Variants in GPR39 observed in about 807,000 individuals in gnomAD.
GPR39 encodes the protein G protein-coupled receptor 39.
Under a neutral mutation model 18.4 loss-of-function variants are expected in GPR39, and 23 were observed. The ratio of observed to expected loss-of-function variants is 1.25; its 90% CI spans 0.90 to 1.77. The LOEUF (loss-of-function observed/expected upper bound fraction) is 1.77. Ranked by LOEUF, GPR39 falls within the 40% of genes most tolerant of loss-of-function variation. The pLI is 0.00. For missense variants in GPR39, 647 were observed against 602.4 expected (o/e 1.07, Z -0.78); for synonymous variants, 280 against 257.9 (o/e 1.09, Z -0.82).
At chr2:132,534,750 A>T (rs13393969) in intron 1 of GPR39, among the ~76,000 whole-genome samples, 43,029 of 151,714 alleles carry the variant, frequency 0.28, 6,887 homozygotes, top group East Asian at 0.69. Flanking sequence ...CAAAAAACTA[A>T]ACACCACATT....
chr2:132,635,910 G>A (rs183016695), intron 1 of GPR39, among the ~76,000 whole-genome samples: 1 of 152,304 alleles, frequency 6.6e-6, no homozygotes, highest in Admixed American at 6.5e-5. Flanking sequence ...CAGAGAGATG[G>A]TGGCTATCTG....
At chr2:132,491,717 A>T (rs1207957649) in intron 1 of GPR39, among the ~76,000 whole-genome samples, 3 of 151,872 alleles carry the variant, frequency 2.0e-5, no homozygotes, top group African/African-American at 7.3e-5. Context: ...TCCGGGTGTG[A>T]ATCAGTAAAA....
chr2:132,525,327 G>GATAAT (rs1285820057), intron 1 of GPR39, among the ~76,000 whole-genome samples: 1 of 152,190 alleles, frequency 6.6e-6, no homozygotes, highest in Non-Finnish European at 1.5e-5. Context: ...GTGAAATGGG[G>GATAAT]ATAATAATGT....
chr2:132,550,351 G>A (rs1051095197), intron 1 of GPR39, among the ~76,000 whole-genome samples: 6 of 152,180 alleles, frequency 3.9e-5, no homozygotes, highest in Admixed American at 1.3e-4. Flanking sequence ...TGGCAAGCCC[G>A]AGTCTTTGGA....
chr2:132,595,177 T>C (rs1480204279), intron 1 of GPR39, among the ~76,000 whole-genome samples: 1 of 152,122 alleles, frequency 6.6e-6, no homozygotes, highest in East Asian at 1.9e-4. Context: ...TTTTATATTT[T>C]TAGTAGAGAT....
intron 1 of GPR39, among the ~76,000 whole-genome samples, chr2:132,513,302 A>AC (rs1191416949): frequency 2.0e-5 from 3 of 150,838 alleles, no homozygotes; most frequent in Non-Finnish European, 4.4e-5. Flanking sequence ...GTCTCTACTA[A>AC]AATACAAAAA....
intron 1 of GPR39, among the ~76,000 whole-genome samples, chr2:132,554,597 A>G (rs1680110346): frequency 6.6e-6 from 1 of 152,206 alleles, no homozygotes; most frequent in Admixed American, 6.5e-5. Context: ...GCTGATAGCT[A>G]CAGTGACCTG....
intron 1 of GPR39, among the ~76,000 whole-genome samples, chr2:132,525,738 T>C (rs376633823): frequency 6.0e-4 from 92 of 152,322 alleles, no homozygotes; most frequent in African/African-American, 2.2e-3. Flanking sequence ...GGCACAAATA[T>C]GTTCCAGACA....
intron 1 of GPR39, among the ~76,000 whole-genome samples, chr2:132,552,518 A>C (rs1211229971): frequency 6.6e-6 from 1 of 152,154 alleles, no homozygotes; most frequent in African/African-American, 2.4e-5. Flanking sequence ...TGAGCCAATT[A>C]AACCTGTTTT....
At chr2:132,428,973 G>A (rs1456036021) in intron 1 of GPR39, among the ~76,000 whole-genome samples, 1 of 152,200 alleles carries the variant, frequency 6.6e-6, no homozygotes, top group Admixed American at 6.5e-5. Flanking sequence ...CAAAATTCAA[G>A]GGGCTTATGA....
intron 1 of GPR39, among the ~76,000 whole-genome samples, chr2:132,438,573 CTTTTTTTT>C (rs35614907): frequency 6.1e-5 from 6 of 97,762 alleles, no homozygotes; most frequent in Non-Finnish European, 9.9e-5. Flanking sequence ...TGTCAGCAAG[CTTTTTTTT>C]TTTTTTTTTT....
intron 1 of GPR39, among the ~76,000 whole-genome samples, chr2:132,630,632 G>C (rs1681633253): frequency 6.6e-6 from 1 of 152,184 alleles, no homozygotes; most frequent in Admixed American, 6.5e-5. Context: ...AGAATGGCTT[G>C]AGCAGGAGTG....
At chr2:132,423,855 A>G (rs966064919) in intron 1 of GPR39, among the ~76,000 whole-genome samples, 11 of 152,304 alleles carry the variant, frequency 7.2e-5, no homozygotes, top group African/African-American at 2.6e-4. Flanking sequence ...CATAGTGTCT[A>G]GACATAGTAG....
rs571626070 is a variant in GPR39, at chr2:132,422,126, C to T, written c.856+4228C>T. On this transcript the variant is annotated intron_variant, in intron 1 of 1. Transcript: ENST00000329321. Reference sequence around the variant, plus strand: ...TTTTCTAACAAAACCATCTGATAACCTTTGTGTTTTATTTTCTCAGTAAGA... The same window carrying T: ...TTTTCTAACAAAACCATCTGATAACTTTTGTGTTTTATTTTCTCAGTAAGA... Among the ~76,000 whole-genome samples the T allele has an allele frequency of 5.8e-4, 88 of 152,188 alleles. 2 individuals are homozygous for T. In the Middle Eastern group the frequency reaches 0.014, roughly 24 times the overall value.
chr2:132,531,109 A>T (rs1193905014), intron 1 of GPR39, among the ~76,000 whole-genome samples: 3 of 152,212 alleles, frequency 2.0e-5, no homozygotes, highest in Admixed American at 6.5e-5. Flanking sequence ...CAGGAAACCC[A>T]TCTCACCTGC....
intron 1 of GPR39, among the ~76,000 whole-genome samples, chr2:132,541,009 C>G (rs1679851894): frequency 1.3e-5 from 2 of 152,034 alleles, no homozygotes; most frequent in African/African-American, 4.8e-5. Flanking sequence ...ATTGACCTGC[C>G]TCTCATCTTG....
At chr2:132,552,903 CACACACAT>C (rs1680073221) in intron 1 of GPR39, among the ~76,000 whole-genome samples, 1 of 90,014 alleles carries the variant, frequency 1.1e-5, no homozygotes, top group African/African-American at 6.3e-5. Flanking sequence ...TATATATATA[CACACACAT>C]ATATATACAC....
intron 1 of GPR39, among the ~76,000 whole-genome samples, chr2:132,593,084 A>G (rs1004399042): frequency 8.5e-5 from 13 of 152,212 alleles, no homozygotes; most frequent in African/African-American, 3.1e-4. Flanking sequence ...AATTAGAAGA[A>G]TTGCATGGGG....
intron 1 of GPR39, among the ~76,000 whole-genome samples, chr2:132,515,021 A>G (rs1384923542): frequency 1.3e-5 from 2 of 152,028 alleles, no homozygotes; most frequent in African/African-American, 4.8e-5. Flanking sequence ...TATTTCCAAC[A>G]AAACAAAACA....
Sources: gnomAD v4.1 joint callset for allele counts (sites outside exome capture counted in the v4.1 genomes callset) on GRCh38, gnomAD v4.1.1 for gene constraint, MANE v1.5 for transcripts, NCBI Gene and HGNC (gene_info 2026-07-23, HGNC 2026-07-21) for gene names.